The following MEST variants were observed in gnomAD, a reference collection of about 807,000 sequenced individuals.
MEST encodes the protein mesoderm specific transcript, also known as mesoderm-specific transcript homolog protein.
In MEST, 18 loss-of-function variants were observed where a neutral mutation model predicts 50.9. The observed-to-expected ratio is 0.35, with a 90% CI of 0.24 to 0.52. The LOEUF is 0.52. Ranked by LOEUF, MEST falls within the 20% of genes least tolerant of loss-of-function variation. The probability of loss-of-function intolerance (pLI) is 0.94; values close to 1 mark genes in which losing one functional copy is unlikely to be tolerated. For synonymous variants in MEST, 130 were observed against 154.1 expected (o/e 0.84, Z 1.16); for missense variants, 282 against 425.3 (o/e 0.66, Z 2.96).
chr7:130,495,792 T>TTTTTTG, intron 2 of MEST: 1 of 299,156 alleles, frequency 3.3e-6, no homozygotes, highest in Non-Finnish European at 6.1e-6. Flanking sequence ...TTTTTTTTTT[T>TTTTTTG]TGAGCAACCT....
chr7:130,494,598 T>C (rs1202281981), intron 1 of MEST: 1 of 151,404 alleles, frequency 6.6e-6, no homozygotes, highest in Non-Finnish European at 1.5e-5. Flanking sequence ...CTTAGGAAAT[T>C]AAATGGAAAC....
rs1798878569 is a variant in MEST, at chr7:130,492,767, C to T, written c.26+428C>T. Among the ~76,000 whole-genome samples, 1 of 152,108 alleles carries T rather than the reference C, an allele frequency of 6.6e-6. No homozygotes were observed. On this transcript the variant is annotated intron_variant, in intron 1 of 11. Coordinates refer to ENST00000223215, the MANE Select transcript of MEST (RefSeq NM_002402.4). This position sits in a 1 kb window ranked among gnomAD's most constrained non-coding sequence, Gnocchi z 7.6. Reference sequence around the variant, plus strand: ...TTAGGATTTCTAACCCCCAGCATCGCCCTGGTTTGATTTAGGATATTTAGA... The same window carrying T: ...TTAGGATTTCTAACCCCCAGCATCGTCCTGGTTTGATTTAGGATATTTAGA...
chr7:130,496,817 C>T, intron 2 of MEST: 1 of 182,338 alleles, frequency 5.5e-6, no homozygotes, highest in East Asian at 1.6e-4. Context: ...ATGCTTTTAA[C>T]TGAAAATTTA....
chr7:130,497,920 CGTTTCTTTCTT>C lies in MEST; in HGVS notation c.262-13_262-3del. The C allele has an allele frequency of 6.2e-7, 1 of 1,613,180 alleles. No homozygotes were observed. Among genetic ancestry groups the C allele is most frequent in the Non-Finnish European group, 8.5e-7 (1 of 1,179,136 alleles). ...GGCAGGAGCAGAAAGCCCAAATCATCGTTTCTTTCTTGTAGATTTGGGAAGGTCTGACCTTG... is the reference window on the plus strand; with the variant it reads ...GGCAGGAGCAGAAAGCCCAAATCATCGTAGATTTGGGAAGGTCTGACCTTG... On this transcript the variant is annotated splice_polypyrimidine_tract_variant and splice_region_variant and intron_variant, in intron 3 of 11. Coordinates refer to ENST00000223215, the MANE Select transcript of MEST (RefSeq NM_002402.4). The surrounding 1 kb of genome is among the most constrained non-coding windows in gnomAD (Gnocchi z 4.0).
intron 10 of MEST, among the ~76,000 whole-genome samples, chr7:130,503,510 T>C (rs1488969775): frequency 2.0e-5 from 3 of 152,234 alleles, no homozygotes; most frequent in Admixed American, 6.5e-5. Context: ...AAATTATTTA[T>C]AGAAAATATT....
chr7:130,495,979 T>A lies in MEST; in HGVS notation c.181+457T>A. ...ATTATTATGACCACTACTTATCAAG[T>A]AATTACCATATGCCAGGCACTGAGT... is the stretch of plus-strand genomic sequence containing the variant. On this transcript the variant is annotated intron_variant, in intron 2 of 11. Coordinates refer to ENST00000223215, the MANE Select transcript of MEST (RefSeq NM_002402.4). 1.2e-5 allele frequency: 5 copies of A among 400,540 alleles called. 1 individual carries two copies. Among genetic ancestry groups the A allele is most frequent in the South Asian group, 9.3e-5 (5 of 53,896 alleles). The allele number at this position is 400,540 out of a possible 1,614,324, so 24.8% of individuals were successfully genotyped here.
intron 6 of MEST, 94 bp from the exon 7 acceptor site, chr7:130,499,781 C>T (rs1014898172): frequency 2.7e-5 from 27 of 1,011,346 alleles, no homozygotes; most frequent in Non-Finnish European, 3.8e-5. Context: ...TGCTTGAGCT[C>T]GAGACCAGCT....
At chr7:130,502,235 A>G (rs1584950733) in intron 9 of MEST, among the ~76,000 whole-genome samples, 1 of 152,296 alleles carries the variant, frequency 6.6e-6, no homozygotes, top group East Asian at 1.9e-4. Flanking sequence ...CTGTCTTTTA[A>G]AAAACAAACC....
chr7:130,493,428 T>C (rs182037268), intron 1 of MEST, among the ~76,000 whole-genome samples: 2 of 152,314 alleles, frequency 1.3e-5, no homozygotes, highest in Admixed American at 1.3e-4. Context: ...AAATGTTTGC[T>C]TAACCCATTT....
chr7:130,501,116 G>C, intron 9 of MEST: 1 of 415,132 alleles, frequency 2.4e-6, no homozygotes, highest in South Asian at 5.3e-5. Flanking sequence ...TCATGGTTGT[G>C]AAAGTAGCCT....
Position 130,499,912 on chromosome 7 carries a change from A to C in MEST, c.573A>C (p.Gln191His). Reference protein sequence around the residue: ...FPETHRPLLLQKLLKDGGVLS... With the variant: ...FPETHRPLLLHKLLKDGGVLS... The stretch of plus-strand genomic sequence containing the variant: ...AGACTCACCGTCCACTCCTTCTCCA[A>C]AAGGTTGGTACTTCACTGATAGACC... Residue 191 changes from glutamine to histidine, a missense_variant, in exon 7 of 12, where the codon CAA becomes CAC. By Grantham distance (24) the Gln-to-His change is conservative. Coordinates refer to ENST00000223215, the MANE Select transcript of MEST (RefSeq NM_002402.4). The C allele has an allele frequency of 6.2e-7, 1 of 1,612,396 alleles. No individual in the cohort carries two copies. Among genetic ancestry groups the C allele is most frequent in the African/African-American group, 1.3e-5 (1 of 74,922 alleles).
At chr7:130,501,800 GT>G (rs1287028594) in intron 9 of MEST, among the ~76,000 whole-genome samples, 3 of 152,074 alleles carry the variant, frequency 2.0e-5, no homozygotes, top group African/African-American at 7.2e-5. Flanking sequence ...GAGGTCAGGA[GT>G]TTAGAGACCA....
At chr7:130,502,830 T>C (rs528167164) in intron 10 of MEST, 110 bp downstream of exon 10, 4 of 719,522 alleles carry the variant, frequency 5.6e-6, no homozygotes, top group African/African-American at 5.3e-5. Flanking sequence ...AAATATAAGA[T>C]ACCCAGTTAA....
At chr7:130,501,489 A>G (rs1179912443) in intron 9 of MEST, among the ~76,000 whole-genome samples, 4 of 152,210 alleles carry the variant, frequency 2.6e-5, no homozygotes, top group South Asian at 2.1e-4. Context: ...GTCTTTTAAA[A>G]TTATATTTTC....
At chr7:130,499,484 G>T (rs1799195802) in intron 6 of MEST, among the ~76,000 whole-genome samples, 1 of 152,176 alleles carries the variant, frequency 6.6e-6, no homozygotes, top group Non-Finnish European at 1.5e-5. Context: ...TCAGCATTTT[G>T]GATGACCATA....
At chr7:130,495,694 G>C (rs962729103) in intron 2 of MEST, 172 bp downstream of exon 2, 4 of 624,672 alleles carry the variant, frequency 6.4e-6, no homozygotes, top group Admixed American at 3.7e-5. Context: ...CTGGGAGAAT[G>C]GGGGTAGGGA....
chr7:130,492,262 C>A lies in MEST; in HGVS notation c.-52C>A. 1 of 1,325,742 alleles carries A rather than the reference C, an allele frequency of 7.5e-7. No homozygotes were observed. Among genetic ancestry groups the A allele is most frequent in the South Asian group, 2.2e-5 (1 of 46,040 alleles). 82.1% of individuals were successfully genotyped at this position (1,325,742 alleles called of 1,614,324 possible). ...CAGCTCTGCACGGCTGCGGGCTCTGCGGCGCCCGGTGCTCTGCAACGCTGC... is the reference window on the plus strand; with the variant it reads ...CAGCTCTGCACGGCTGCGGGCTCTGAGGCGCCCGGTGCTCTGCAACGCTGC... On this transcript the variant is annotated 5_prime_UTR_variant, in exon 1 of 12. Transcript: ENST00000223215. This position sits in a 1 kb window ranked among gnomAD's most constrained non-coding sequence, Gnocchi z 7.6.
At chr7:130,486,265 G>C (rs1250662772) in exon 1 of MEST, 1 of 152,368 alleles carries the variant, frequency 6.6e-6, no homozygotes, top group East Asian at 1.9e-4. Context: ...CTCTAGCCCC[G>C]AGCCGCGTAT....
intron 9 of MEST, 170 bp downstream of exon 9, chr7:130,501,060 G>A (rs1799260142): frequency 1.8e-6 from 1 of 548,900 alleles, no homozygotes; most frequent in Admixed American, 3.3e-5. Flanking sequence ...GAAAATAAGA[G>A]TGAAACTGGA....
Sources: allele counts gnomAD v4.1 joint callset (sites outside exome capture counted in the v4.1 genomes callset), GRCh38; gene constraint gnomAD v4.1.1; non-coding constraint Gnocchi (gnomAD v3.1); transcripts MANE v1.5; gene names NCBI Gene and HGNC (gene_info 2026-07-23, HGNC 2026-07-21).